Variants in FAM184A observed in about 807,000 individuals in gnomAD.
FAM184A encodes protein FAM184A.
Under a neutral mutation model 143.8 loss-of-function variants are expected in FAM184A, and 99 were observed. That is an observed-to-expected ratio of 0.69 (90% CI 0.58 to 0.81). The LOEUF (loss-of-function observed/expected upper bound fraction) is 0.81. Ranked by LOEUF, FAM184A falls within the 40% of genes least tolerant of loss-of-function variation. The pLI is 0.00. For synonymous variants in FAM184A, 427 were observed against 446.4 expected (o/e 0.96, Z 0.55); for missense variants, 1,217 against 1,310.5 (o/e 0.93, Z 1.10).
rs76776023 is a variant in FAM184A, at chr6:119,021,325, T to C, written c.1151-1166A>G. 4.2e-4 allele frequency among the ~76,000 whole-genome samples: 64 copies of C among 152,220 alleles called. No individual in the cohort carries two copies. In the East Asian group the frequency reaches 0.01, roughly 24 times the overall value. ...GCACACTAAACACTTAGACAAAATA[T>C]AACTTCAGAACTGACACAAGTCACC... is the stretch of plus-strand genomic sequence containing the variant. On this transcript the variant is annotated intron_variant, in intron 3 of 17. Transcript: ENST00000338891.
At chr6:119,043,887 T>C (rs1786431838) in intron 1 of FAM184A, among the ~76,000 whole-genome samples, 1 of 152,134 alleles carries the variant, frequency 6.6e-6, no homozygotes, top group African/African-American at 2.4e-5. Context: ...AATTGAGTAG[T>C]TATAAACTAC....
intron 14 of FAM184A, among the ~76,000 whole-genome samples, chr6:118,968,705 A>C (rs2114547508): frequency 6.6e-6 from 1 of 152,354 alleles, no homozygotes; most frequent in South Asian, 2.1e-4. Context: ...ACTTGGTATA[A>C]ATGGTAGCTA....
intron 1 of FAM184A, among the ~76,000 whole-genome samples, chr6:119,101,363 C>T (rs541575781): frequency 3.0e-4 from 45 of 151,886 alleles, no homozygotes; most frequent in Middle Eastern, 6.9e-3. Context: ...TGAACCACTG[C>T]GCCCAGCCAC....
chr6:119,010,853 TGAA>T (rs1229199910), intron 6 of FAM184A, among the ~76,000 whole-genome samples: 2 of 152,198 alleles, frequency 1.3e-5, no homozygotes, highest in Non-Finnish European at 2.9e-5. Flanking sequence ...GATATGAGAT[TGAA>T]GAAGAGCTCT....
upstream of FAM184A, chr6:119,079,093 A>G (rs566705795): frequency 6.6e-6 from 1 of 152,420 alleles, no homozygotes; most frequent in East Asian, 1.9e-4. Flanking sequence ...CTCTTCCCCA[A>G]GAAGAGAGGC....
At chr6:119,142,978 C>A (rs1345751401) in intron 1 of FAM184A, among the ~76,000 whole-genome samples, 1 of 152,148 alleles carries the variant, frequency 6.6e-6, no homozygotes, top group Non-Finnish European at 1.5e-5. Context: ...TAGCTATAAG[C>A]TGAGGGCACC....
rs1381646380 is a variant in FAM184A, at chr6:119,096,402, C to T, written c.-202+52676G>A. 1.3e-4 allele frequency among the ~76,000 whole-genome samples: 4 copies of T among 31,400 alleles called. 1 individual carries two copies. The highest frequency in any genetic ancestry group is 2.0e-4 in the Non-Finnish European group (3 of 15,098). The allele number at this position is 31,400 out of a possible 152,430, so 20.6% of individuals were successfully genotyped here. A position where few individuals can be genotyped will look rare whatever the true frequency, so the allele number is the denominator to read the frequency against. ...CTGTAATCCCAGCACTTTGGGAGGC[C>T]GAGGCGGGTGGATCATGAGGTCAGG... On this transcript the variant is annotated intron_variant, in intron 1 of 16. Coordinates refer to the FAM184A transcript ENST00000352896.
At chr6:119,106,678 T>C (rs1330792696) in intron 1 of FAM184A, among the ~76,000 whole-genome samples, 1 of 152,250 alleles carries the variant, frequency 6.6e-6, no homozygotes, top group Admixed American at 6.5e-5. Flanking sequence ...AGGGCTTCGG[T>C]AAATTACTTA....
upstream of FAM184A, among the ~76,000 whole-genome samples, chr6:119,080,107 G>A (rs756724922): frequency 1.3e-5 from 2 of 152,192 alleles, no homozygotes; most frequent in African/African-American, 2.4e-5. Context: ...TACGTTCTAA[G>A]CAGAAATGTA....
chr6:119,114,264 C>A (rs556417094), intron 1 of FAM184A, among the ~76,000 whole-genome samples: 1 of 152,278 alleles, frequency 6.6e-6, no homozygotes, highest in South Asian at 2.1e-4. Flanking sequence ...AATAAAAATA[C>A]AGAATGCCCA....
At chr6:118,983,472 A>C (rs1784079079) in intron 9 of FAM184A, among the ~76,000 whole-genome samples, 1 of 152,200 alleles carries the variant, frequency 6.6e-6, no homozygotes, top group Non-Finnish European at 1.5e-5. Context: ...GTGTTGAATA[A>C]AGAATGAGAA....
intron 1 of FAM184A, among the ~76,000 whole-genome samples, chr6:119,071,785 C>G (rs941994613): frequency 1.3e-5 from 2 of 151,512 alleles, no homozygotes; most frequent in African/African-American, 4.9e-5. Flanking sequence ...TCAAATGGCA[C>G]CGAGCCCTCA....
At chr6:119,023,680 C>T (rs1227326474) in intron 2 of FAM184A, among the ~76,000 whole-genome samples, 2 of 151,098 alleles carry the variant, frequency 1.3e-5, no homozygotes, top group African/African-American at 2.4e-5. Context: ...AGGTGTGTAC[C>T]ACTGTGCCTA....
intron 4 of FAM184A, among the ~76,000 whole-genome samples, chr6:119,018,383 T>A (rs754932637): frequency 1.1e-4 from 17 of 152,202 alleles, no homozygotes; most frequent in Admixed American, 4.6e-4. Context: ...AAGCCTACAT[T>A]CATAACTGTT....
chr6:119,121,565 T>C (rs1005361575), intron 1 of FAM184A, among the ~76,000 whole-genome samples: 1 of 152,246 alleles, frequency 6.6e-6, no homozygotes, highest in Non-Finnish European at 1.5e-5. Flanking sequence ...AACTTAATGA[T>C]GTCAGCAAAT....
Position 119,098,647 on chromosome 6 carries a change from G to A in FAM184A, c.-202+50431C>T, listed in dbSNP as rs200743523. 9.9e-5 allele frequency among the ~76,000 whole-genome samples: 15 copies of A among 152,200 alleles called. No homozygotes were observed. In the East Asian group the frequency reaches 1.9e-3, roughly 20 times the overall value. On this transcript the variant is annotated intron_variant, in intron 1 of 16. Transcript: ENST00000352896. ...AGGGAAGCTTTCTTTAAAATTTTGA[G>A]TTCAGCAGACAGAAATGATAGGTCT...
intron 1 of FAM184A, among the ~76,000 whole-genome samples, chr6:119,043,199 AGCTGAGATCACAAT>A (rs937089453): frequency 1.1e-4 from 16 of 152,236 alleles, no homozygotes; most frequent in African/African-American, 3.9e-4. Context: ...CCTATCAGAA[AGCTGAGATCACAAT>A]GCAACCAACT....
rs2114690397 is a variant in FAM184A, at chr6:119,023,978, A to G, written c.995T>C (p.Ile332Thr). 4 of 1,595,444 alleles carry G rather than the reference A, an allele frequency of 2.5e-6. No individual in the cohort carries two copies. Among genetic ancestry groups the G allele is most frequent in the Non-Finnish European group, 3.4e-6 (4 of 1,174,384 alleles). The change falls in exon 2 of 18, where the codon ATA becomes ACA. Residue 332 changes from isoleucine to threonine, a missense_variant. Ile to Thr is a moderately conservative substitution (Grantham distance 89, BLOSUM62 -1). Coordinates refer to ENST00000338891, the MANE Select transcript of FAM184A (RefSeq NM_024581.6). ...KCQKLQTALA[I>T]AENNVQVLQK... The stretch of plus-strand genomic sequence containing the variant: ...ACTTACCTGAACATTGTTCTCTGCT[A>G]TGGCAAGTGCCGTCTGAAGCTTTTG...
chr6:119,143,999 C>T (rs562216302), intron 1 of FAM184A, among the ~76,000 whole-genome samples: 1 of 152,174 alleles, frequency 6.6e-6, no homozygotes, highest in East Asian at 1.9e-4. Context: ...TTAGCTTGGC[C>T]TAGATGTGAG....
Sources: gnomAD v4.1 joint callset for allele counts (sites outside exome capture counted in the v4.1 genomes callset) on GRCh38, gnomAD v4.1.1 for gene constraint, MANE v1.5 for transcripts, NCBI Gene and HGNC (gene_info 2026-07-23, HGNC 2026-07-21) for gene names.